COG5: variants seen among roughly 807,000 people sequenced by gnomAD.
COG5 encodes the protein conserved oligomeric Golgi complex subunit 5.
In COG5, 86 loss-of-function variants were observed where a neutral mutation model predicts 110.4. The ratio of observed to expected loss-of-function variants is 0.78; its 90% CI spans 0.65 to 0.93. The LOEUF is 0.93. Ranked by LOEUF, COG5 falls within the 40% of genes least tolerant of loss-of-function variation. The pLI is 0.00. For synonymous variants in COG5, 360 were observed against 334.6 expected (o/e 1.08, Z -0.83); for missense variants, 1,077 against 987.0 (o/e 1.09, Z -1.22).
chr7:107,300,532 C>T (rs1446093100), intron 11 of COG5, among the ~76,000 whole-genome samples: 1 of 152,044 alleles, frequency 6.6e-6, no homozygotes, highest in Non-Finnish European at 1.5e-5. Flanking sequence ...TGTATACTAG[C>T]AATGAACAAT....
At chr7:107,420,699 G>A (rs965323646) in intron 6 of COG5, among the ~76,000 whole-genome samples, 1 of 152,172 alleles carries the variant, frequency 6.6e-6, no homozygotes, top group African/African-American at 2.4e-5. Flanking sequence ...CTGACGTCGT[G>A]ATCCACCCGC....
At chr7:107,247,940 T>G (rs188884625) in intron 17 of COG5, among the ~76,000 whole-genome samples, 1 of 152,242 alleles carries the variant, frequency 6.6e-6, no homozygotes, top group East Asian at 1.9e-4. Flanking sequence ...GGATTTGGAC[T>G]AGCACAGTGG....
chr7:107,246,668 G>A (rs1802083623), intron 17 of COG5, among the ~76,000 whole-genome samples: 1 of 152,124 alleles, frequency 6.6e-6, no homozygotes, highest in South Asian at 2.1e-4. Flanking sequence ...AAACCGCAAT[G>A]AGATACCATC....
chr7:107,209,017 G>A, intron 21 of COG5: 1 of 974,796 alleles, frequency 1.0e-6, no homozygotes. Flanking sequence ...AGGCAAGGGT[G>A]AGAGACCTGG....
At chr7:107,250,923 A>G (rs909256007) in intron 16 of COG5, among the ~76,000 whole-genome samples, 9 of 152,050 alleles carry the variant, frequency 5.9e-5, no homozygotes, top group Admixed American at 4.6e-4. Context: ...GTCCTGTAAG[A>G]AAAGAAAATA....
At chr7:107,331,955 T>C (rs766361444) in intron 10 of COG5, among the ~76,000 whole-genome samples, 2 of 151,782 alleles carry the variant, frequency 1.3e-5, no homozygotes, top group Non-Finnish European at 1.5e-5. Flanking sequence ...GATAAATGAT[T>C]CCCGTGCCTC....
chr7:107,227,183 G>C (rs1800404709), intron 19 of COG5, among the ~76,000 whole-genome samples: 1 of 152,118 alleles, frequency 6.6e-6, no homozygotes, highest in African/African-American at 2.4e-5. Flanking sequence ...CTAATTTAGT[G>C]GGTTAAAATA....
chr7:107,407,788 T>G (rs957015038), intron 7 of COG5, among the ~76,000 whole-genome samples: 1 of 152,110 alleles, frequency 6.6e-6, no homozygotes. Flanking sequence ...GTTCAAAGAA[T>G]ATTTAACATT....
At chr7:107,401,210 T>C (rs956162029) in intron 7 of COG5, among the ~76,000 whole-genome samples, 1 of 152,094 alleles carries the variant, frequency 6.6e-6, no homozygotes, top group Non-Finnish European at 1.5e-5. Context: ...TTCAAATTAA[T>C]TTCCATTCAA....
chr7:107,329,936 C>T (rs1159101926), intron 10 of COG5, among the ~76,000 whole-genome samples: 1 of 152,158 alleles, frequency 6.6e-6, no homozygotes, highest in Non-Finnish European at 1.5e-5. Context: ...AACTACATCA[C>T]ATAAATATAA....
chr7:107,502,058 G>T (rs1294276854), intron 6 of COG5, among the ~76,000 whole-genome samples: 1 of 152,064 alleles, frequency 6.6e-6, no homozygotes, highest in African/African-American at 2.4e-5. Context: ...ACAAGTGGTT[G>T]TGATTACATA....
At chr7:107,457,466 C>T (rs962597703) in intron 6 of COG5, among the ~76,000 whole-genome samples, 44 of 151,840 alleles carry the variant, frequency 2.9e-4, no homozygotes, top group Admixed American at 2.7e-3. Flanking sequence ...CTCACTCTGT[C>T]GCCCAGGCTG....
intron 14 of COG5, among the ~76,000 whole-genome samples, chr7:107,278,393 G>A (rs771946076): frequency 2.6e-5 from 4 of 152,044 alleles, no homozygotes; most frequent in Non-Finnish European, 5.9e-5. Context: ...TCTACATTAG[G>A]TATTTCTCCT....
In COG5 at chr7:107,210,794, C is replaced by G. The variant is rs75776663; in HGVS notation, c.2296-189G>C. On this transcript the variant is annotated intron_variant, in intron 20 of 21. Coordinates refer to ENST00000297135, the MANE Select transcript of COG5 (RefSeq NM_006348.5). ...ACTACCAAGGAGCCTTCTAGATTTG[C>G]CAATTGATGGTGGGTCAGCAAAGAA... is the stretch of plus-strand genomic sequence containing the variant. Among the ~76,000 whole-genome samples, 2,113 of 152,322 alleles carry G rather than the reference C, an allele frequency of 0.014. 37 individuals carry two copies. The highest frequency in any genetic ancestry group is 0.022 in the Non-Finnish European group (1,463 of 68,024).
At chr7:107,259,976 G>A (rs909935265) in intron 14 of COG5, among the ~76,000 whole-genome samples, 2 of 151,850 alleles carry the variant, frequency 1.3e-5, no homozygotes, top group Non-Finnish European at 2.9e-5. Flanking sequence ...TACATTGCTG[G>A]TGGGAATGTA....
At chr7:107,552,307 C>A (rs1802962209) in intron 3 of COG5, among the ~76,000 whole-genome samples, 1 of 152,146 alleles carries the variant, frequency 6.6e-6, no homozygotes, top group Non-Finnish European at 1.5e-5. Flanking sequence ...TAGTGAGCTT[C>A]TGCACAGCCA....
At chr7:107,381,486 T>C (rs1815116417) in intron 7 of COG5, among the ~76,000 whole-genome samples, 2 of 152,232 alleles carry the variant, frequency 1.3e-5, no homozygotes, top group South Asian at 4.1e-4. Flanking sequence ...GTTAAGTTAT[T>C]GGAAACCATA....
At chr7:107,528,944 C>T (rs975742743) in intron 5 of COG5, among the ~76,000 whole-genome samples, 8 of 146,480 alleles carry the variant, frequency 5.5e-5, no homozygotes, top group African/African-American at 1.3e-4. Context: ...TATTTACAAA[C>T]ACATGTAAGT....
chr7:107,422,511 G>A (rs1470549145), intron 6 of COG5, among the ~76,000 whole-genome samples: 1 of 151,704 alleles, frequency 6.6e-6, no homozygotes, highest in East Asian at 1.9e-4. Flanking sequence ...TGGGGTGACA[G>A]AGCAAGACTC....
Sources: gnomAD v4.1 joint callset for allele counts (sites outside exome capture counted in the v4.1 genomes callset) on GRCh38, gnomAD v4.1.1 for gene constraint, MANE v1.5 for transcripts, NCBI Gene and HGNC (gene_info 2026-07-23, HGNC 2026-07-21) for gene names.